The following AHCTF1 variants were observed in gnomAD, a reference collection of about 807,000 sequenced individuals.
AHCTF1 encodes the protein protein ELYS.
In AHCTF1, 24 loss-of-function variants were observed where a neutral mutation model predicts 248.4. That is an observed-to-expected ratio of 0.10 (90% confidence interval 0.07 to 0.14). The LOEUF (loss-of-function observed/expected upper bound fraction) is 0.14. AHCTF1 is among the 10% of genes least tolerant of loss of function. The pLI is 1.00. For missense variants in AHCTF1, 2,206 were observed against 2,636.2 expected (o/e 0.84, Z 3.57); for synonymous variants, 786 against 929.8 (o/e 0.85, Z 2.81).
intron 8 of AHCTF1, among the ~76,000 whole-genome samples, chr1:246,900,903 T>C (rs1664947618): frequency 6.6e-6 from 1 of 152,124 alleles, no homozygotes; most frequent in Non-Finnish European, 1.5e-5. Flanking sequence ...CTTATCCAGT[T>C]ATAAGGTAAA....
At chr1:246,868,973 T>C (rs1056768695) in intron 24 of AHCTF1, among the ~76,000 whole-genome samples, 14 of 142,844 alleles carry the variant, frequency 9.8e-5, no homozygotes, top group South Asian at 2.1e-4. Flanking sequence ...GCCTGCTGAG[T>C]AGCTGGGACT....
In AHCTF1 at chr1:246,894,707, A is replaced by G; in HGVS notation, c.1756T>C (p.Trp586Arg). Reference sequence around the variant, plus strand: ...GTGAGAACCACTTTATTCCACGTCCATTCAAGAACAAAGCGCAAATTAGTG... The same window carrying G: ...GTGAGAACCACTTTATTCCACGTCCGTTCAAGAACAAAGCGCAAATTAGTG... ...SATNLRFVLE[W>R]TWNKVVLTKE... Residue 586 changes from tryptophan (W) to arginine (R), a missense_variant, in exon 14 of 36, where the codon TGG (tryptophan) becomes CGG (arginine). Trp to Arg is a moderately radical substitution (Grantham distance 101). Transcript: ENST00000648844. 12 of 1,613,884 alleles carry G rather than the reference A, an allele frequency of 7.4e-6. No individual in the cohort carries two copies. The highest frequency in any genetic ancestry group is 1.0e-5 in the Non-Finnish European group (12 of 1,179,972).
chr1:246,897,427 A>G (rs1198965352), intron 12 of AHCTF1, among the ~76,000 whole-genome samples: 1 of 152,152 alleles, frequency 6.6e-6, no homozygotes, highest in African/African-American at 2.4e-5. Context: ...AATGAATTGC[A>G]TTTTTCCATA....
intron 24 of AHCTF1, among the ~76,000 whole-genome samples, chr1:246,870,084 G>A (rs776540344): frequency 6.6e-6 from 1 of 152,028 alleles, no homozygotes; most frequent in African/African-American, 2.4e-5. Context: ...ACTTTTGAGG[G>A]CTTCAAGACT....
At chr1:246,928,566 T>C (rs1667114843) in intron 1 of AHCTF1, among the ~76,000 whole-genome samples, 1 of 152,196 alleles carries the variant, frequency 6.6e-6, no homozygotes. Context: ...GGCCCAATTA[T>C]TTTTAAGTAT....
chr1:246,874,742 ATATT>A (rs1157452008), intron 24 of AHCTF1, among the ~76,000 whole-genome samples: 1 of 152,188 alleles, frequency 6.6e-6, no homozygotes, highest in East Asian at 1.9e-4. Flanking sequence ...ATCCTGAAAT[ATATT>A]TAAATTTAGC....
At position 246,853,163 on chromosome 1, in the gene AHCTF1, T is replaced by G. The variant is rs1343148649; in HGVS notation, c.4491A>C (p.Leu1497=). 6.2e-7 allele frequency: 1 copy of G among 1,612,956 alleles called. No individual in the cohort carries two copies. The highest frequency in any genetic ancestry group is 2.2e-5 in the East Asian group (1 of 44,878). ...CTTCTGGTAAGTCAACACTTTCTTT[T>G]AGTACACCAACTTCTACTTCATGAT... is the stretch of plus-strand genomic sequence containing the variant. ...KEDHEVEVGV[L]KESVDLPEEK... The change falls in exon 32 of 36, where the codon CTA becomes CTC. Residue 1497 remains leucine (L), a synonymous_variant. Coordinates refer to ENST00000648844, the MANE Select transcript of AHCTF1 (RefSeq NM_001323342.2).
At chr1:246,903,582 C>A (rs1258724740) in intron 7 of AHCTF1, among the ~76,000 whole-genome samples, 3 of 151,770 alleles carry the variant, frequency 2.0e-5, no homozygotes, top group Admixed American at 6.6e-5. Flanking sequence ...GTAATCCCAG[C>A]ACTTTGGGAG....
chr1:246,909,941 C>G (rs983068929), intron 4 of AHCTF1, among the ~76,000 whole-genome samples: 2 of 152,096 alleles, frequency 1.3e-5, no homozygotes, highest in Non-Finnish European at 2.9e-5. Context: ...CAAAATTCAC[C>G]CCCTGCTGAG....
At chr1:246,890,905 A>G (rs1558252179) in intron 16 of AHCTF1, 51 bp downstream of exon 16, 4 of 1,184,596 alleles carry the variant, frequency 3.4e-6, no homozygotes, top group Non-Finnish European at 4.5e-6. Flanking sequence ...ACAAAATTAT[A>G]AAGATTCAGA....
intron 21 of AHCTF1, among the ~76,000 whole-genome samples, chr1:246,883,970 T>C (rs1455961050): frequency 6.6e-6 from 1 of 152,178 alleles, no homozygotes; most frequent in Non-Finnish European, 1.5e-5. Context: ...TCCAAACATG[T>C]TTCTTCCAAA....
Position 246,889,995 on chromosome 1 carries a change from A to G in AHCTF1, c.2115T>C (p.Ser705=). Residue 705 remains serine (S), a synonymous_variant, in exon 17 of 36, where the codon AGT becomes AGC. Coordinates refer to ENST00000648844, the MANE Select transcript of AHCTF1 (RefSeq NM_001323342.2). ...NYPVIQNYYT[S]RRQKFERLSR... ...ATAAACGCTCAAACTTCTGTCGACG[A>G]CTGGTGTAGTAGTTCTGAATTACAG... 3 of 1,612,432 alleles carry G rather than the reference A, an allele frequency of 1.9e-6. No homozygotes were observed. Among genetic ancestry groups the G allele is most frequent in the Non-Finnish European group, 2.5e-6 (3 of 1,179,412 alleles).
At chr1:246,875,149 T>C (rs1260218711) in intron 24 of AHCTF1, among the ~76,000 whole-genome samples, 2 of 152,162 alleles carry the variant, frequency 1.3e-5, no homozygotes, top group African/African-American at 2.4e-5. Context: ...TATACTGACA[T>C]AGTAACTAAG....
intron 15 of AHCTF1, 86 bp downstream of exon 15, chr1:246,891,693 T>G (rs1025686161): frequency 7.0e-7 from 1 of 1,433,418 alleles, no homozygotes; most frequent in South Asian, 1.2e-5. Flanking sequence ...TAATGATCCA[T>G]CTAAGACATG....
chr1:246,866,457 C>T (rs542754130), intron 26 of AHCTF1, among the ~76,000 whole-genome samples: 78 of 150,856 alleles, frequency 5.2e-4, no homozygotes, highest in Non-Finnish European at 9.4e-4. Context: ...AAATTTAGTC[C>T]AAAAAAAGAA....
At chr1:246,883,800 T>C (rs1253871365) in intron 21 of AHCTF1, among the ~76,000 whole-genome samples, 3 of 152,202 alleles carry the variant, frequency 2.0e-5, no homozygotes, top group Admixed American at 6.6e-5. Flanking sequence ...ATTGAGACTT[T>C]TTCCAACTTA....
chr1:246,918,109 T>C, intron 2 of AHCTF1, 141 bp downstream of exon 2: 5 of 664,626 alleles, frequency 7.5e-6, no homozygotes, highest in Non-Finnish European at 8.8e-6. Context: ...ATGTTATATA[T>C]GTAACTGTAG....
In AHCTF1 at chr1:246,857,691, C is replaced by G; in HGVS notation, c.4256G>C (p.Gly1419Ala). Residue 1419 changes from glycine to alanine, a missense_variant and splice_region_variant, in exon 30 of 36, where the codon GGG becomes GCG. This residue lies in a region of AHCTF1 where 955 missense variants were observed against 1,055.6 expected (regional missense o/e 0.90). Transcript: ENST00000648844. ...ASLCAPSVYE[G>A]KIFTQKSKVP... ...TTTGAATTTCTCTCCATTAACTTAC[C>G]CTTCATAGACTGATGGTGCACAAAG... 1 of 1,600,632 alleles carries G rather than the reference C, an allele frequency of 6.2e-7. No homozygotes were observed. The highest frequency in any genetic ancestry group is 8.5e-7 in the Non-Finnish European group (1 of 1,175,880).
intron 24 of AHCTF1, among the ~76,000 whole-genome samples, chr1:246,874,984 C>T (rs2642986): frequency 0.052 from 7,940 of 152,156 alleles, 716 homozygotes; most frequent in African/African-American, 0.18. Flanking sequence ...TTCCTAAACC[C>T]CATGTAAAAT....
Sources: gnomAD v4.1 joint callset for allele counts (sites outside exome capture counted in the v4.1 genomes callset) on GRCh38, gnomAD v4.1.1 for gene constraint, gnomAD v4.1.1 regional missense constraint, MANE v1.5 for transcripts, NCBI Gene and HGNC (gene_info 2026-07-23, HGNC 2026-07-21) for gene names.